The following MORC1 variants were observed in gnomAD, a reference collection of about 807,000 sequenced individuals.
MORC1 encodes MORC family CW-type zinc finger 1, also known as MORC family CW-type zinc finger protein 1.
Under a neutral mutation model 134.9 loss-of-function variants are expected in MORC1, and 59 were observed. That is an observed-to-expected ratio of 0.44 (90% CI 0.35 to 0.54). The LOEUF (loss-of-function observed/expected upper bound fraction) is 0.54, where lower values mean the gene tolerates loss of function less well. MORC1 is among the 20% of genes least tolerant of loss of function. The pLI is 0.00. For missense variants in MORC1, 947 were observed against 1,134.5 expected (o/e 0.83, Z 2.37); for synonymous variants, 395 against 391.7 (o/e 1.01, Z -0.10).
Position 108,984,769 on chromosome 3 carries a change from C to T in MORC1, c.2271G>A (p.Leu757=). 1 of 1,606,998 alleles carries T rather than the reference C, an allele frequency of 6.2e-7. No individual in the cohort carries two copies. The highest frequency in any genetic ancestry group is 1.3e-5 in the African/African-American group (1 of 74,796). The part of the protein sequence containing the change: ...IPLLNQEKQE[L]CNDVLAMKRS... Reference sequence around the variant, plus strand: ...TTTTCATTGCTAGAACATCATTGCACAGCTCCTGTTTTTCTTCAAAAGAAC... The same window carrying T: ...TTTTCATTGCTAGAACATCATTGCATAGCTCCTGTTTTTCTTCAAAAGAAC... The change falls in exon 23 of 28, where the codon CTG becomes CTA. Residue 757 remains leucine (L), a synonymous_variant. Coordinates refer to ENST00000232603, the MANE Select transcript of MORC1 (RefSeq NM_014429.4).
chr3:109,105,180 C>T (rs13070443), intron 3 of MORC1, among the ~76,000 whole-genome samples: 8,195 of 151,974 alleles, frequency 0.054, 518 homozygotes, highest in African/African-American at 0.15. Context: ...CCCAGGAGTT[C>T]AAGACCAGCC....
chr3:109,038,481 C>T (rs1373695379), intron 14 of MORC1, among the ~76,000 whole-genome samples: 2 of 152,078 alleles, frequency 1.3e-5, no homozygotes, highest in South Asian at 2.1e-4. Context: ...GTTGCCATTG[C>T]TTTTTGTGTT....
chr3:109,055,666 T>A (rs1032400074), intron 13 of MORC1, among the ~76,000 whole-genome samples: 4 of 152,168 alleles, frequency 2.6e-5, no homozygotes, highest in Non-Finnish European at 5.9e-5. Context: ...ACCTCTAACA[T>A]AACATTCATT....
chr3:109,016,734 G>A (rs1263576971), intron 17 of MORC1, among the ~76,000 whole-genome samples: 1 of 152,078 alleles, frequency 6.6e-6, no homozygotes, highest in Admixed American at 6.5e-5. Flanking sequence ...CATGGTGGCG[G>A]GCGCCTGTAA....
intron 8 of MORC1, among the ~76,000 whole-genome samples, chr3:109,087,905 A>G (rs924980992): frequency 8.5e-5 from 13 of 152,048 alleles, no homozygotes; most frequent in Admixed American, 7.9e-4. Context: ...CAGAAAAGAG[A>G]GCCCAGAAAT....
chr3:109,003,391 G>GCACACA (rs3054383), intron 20 of MORC1, among the ~76,000 whole-genome samples: 19,232 of 146,590 alleles, frequency 0.13, 1,906 homozygotes, highest in East Asian at 0.48. Context: ...ATATGTGTAT[G>GCACACA]CACACACACA....
chr3:109,060,521 T>A (rs141746803), intron 11 of MORC1, among the ~76,000 whole-genome samples: 1 of 152,066 alleles, frequency 6.6e-6, no homozygotes, highest in Admixed American at 6.5e-5. Context: ...CCTCTTAACA[T>A]GCTTCATTCA....
chr3:108,979,011 G>T (rs1947639120), intron 24 of MORC1, among the ~76,000 whole-genome samples: 1 of 152,062 alleles, frequency 6.6e-6, no homozygotes, highest in Admixed American at 6.6e-5. Context: ...GAAAAACCCT[G>T]AATCATGAAC....
At chr3:108,973,600 T>C (rs1001016503) in intron 24 of MORC1, among the ~76,000 whole-genome samples, 1 of 149,200 alleles carries the variant, frequency 6.7e-6, no homozygotes, top group Non-Finnish European at 1.5e-5. Context: ...TTTTGGTTTT[T>C]TTTTTTTTTT....
intron 8 of MORC1, among the ~76,000 whole-genome samples, chr3:109,088,255 C>T (rs1002648396): frequency 3.3e-5 from 5 of 152,176 alleles, no homozygotes; most frequent in African/African-American, 1.2e-4. Flanking sequence ...AGTTTCTGCA[C>T]AGCAAAAGAA....
intron 2 of MORC1, 50 bp from the exon 3 acceptor site, chr3:109,110,833 A>G (rs1282513414): frequency 7.2e-7 from 1 of 1,389,152 alleles, no homozygotes; most frequent in Non-Finnish European, 1.0e-6. Context: ...TGAATTGCTT[A>G]CATAAGGTAT....
chr3:109,069,607 A>C (rs1559934326), intron 9 of MORC1, 25 bp downstream of exon 9: 1 of 1,545,810 alleles, frequency 6.5e-7, no homozygotes, highest in Admixed American at 1.9e-5. Context: ...AACTCTGTGA[A>C]GATAACTGAA....
At chr3:109,048,786 C>T (rs1206230388) in intron 14 of MORC1, among the ~76,000 whole-genome samples, 3 of 151,864 alleles carry the variant, frequency 2.0e-5, no homozygotes, top group African/African-American at 7.3e-5. Context: ...TGAATTTCCT[C>T]TTCTTATGAG....
intron 15 of MORC1, among the ~76,000 whole-genome samples, chr3:109,034,755 A>C (rs994642910): frequency 7.2e-5 from 11 of 152,038 alleles, no homozygotes; most frequent in Admixed American, 5.9e-4. Flanking sequence ...TAATTAATTA[A>C]TTTATTTTTT....
intron 8 of MORC1, among the ~76,000 whole-genome samples, chr3:109,072,611 T>C (rs1371271362): frequency 6.6e-6 from 1 of 152,206 alleles, no homozygotes; most frequent in Non-Finnish European, 1.5e-5. Flanking sequence ...AGGTTCCTTA[T>C]GTATGACGGA....
At chr3:109,113,178 C>G (rs1246509626) in intron 2 of MORC1, among the ~76,000 whole-genome samples, 1 of 152,200 alleles carries the variant, frequency 6.6e-6, no homozygotes, top group African/African-American at 2.4e-5. Flanking sequence ...GCAGCAGCAA[C>G]AGTAGCAACC....
In MORC1 at chr3:109,057,351, C is replaced by A; in HGVS notation, c.1167G>T (p.Leu389=). ...MHEKVGSQLK[L]KSLLGAGVVG... ...AGCAAAAACATACTCACAAGGACTT[C>A]AGTTTCAACTGTGAGCCCACTTTTT... Residue 389 remains leucine (L), a synonymous_variant, in exon 13 of 28, where the codon CTG becomes CTT. Coordinates refer to ENST00000232603, the MANE Select transcript of MORC1 (RefSeq NM_014429.4). 2 of 1,609,648 alleles carry A rather than the reference C, an allele frequency of 1.2e-6. No individual in the cohort carries two copies. Among genetic ancestry groups the A allele is most frequent in the East Asian group, 2.2e-5 (1 of 44,812 alleles).
At chr3:109,072,388 C>G (rs528236034) in intron 8 of MORC1, among the ~76,000 whole-genome samples, 4 of 152,124 alleles carry the variant, frequency 2.6e-5, no homozygotes, top group Admixed American at 2.0e-4. Flanking sequence ...CCCTCAGCCC[C>G]GAGAGAGATG....
At chr3:109,041,676 G>A (rs1559913971) in intron 14 of MORC1, among the ~76,000 whole-genome samples, 1 of 152,056 alleles carries the variant, frequency 6.6e-6, no homozygotes, top group Non-Finnish European at 1.5e-5. Context: ...GCGAAACCAC[G>A]TCTCTACTAA....
Sources: allele counts gnomAD v4.1 joint callset (sites outside exome capture counted in the v4.1 genomes callset), GRCh38; gene constraint gnomAD v4.1.1; transcripts MANE v1.5; gene names NCBI Gene and HGNC (gene_info 2026-07-23, HGNC 2026-07-21).